Variants in UBE2C observed in about 807,000 individuals in gnomAD.
UBE2C encodes ubiquitin-conjugating enzyme E2 C.
A neutral mutation model predicts 23.5 loss-of-function variants in UBE2C; 16 were observed. The ratio of observed to expected loss-of-function variants is 0.68; its 90% confidence interval spans 0.46 to 1.03. The LOEUF is 1.03. Among genes scored for constraint, UBE2C ranks in the 50% least tolerant of loss-of-function variants. The pLI is 0.00. For synonymous variants in UBE2C, 76 were observed against 91.6 expected, an observed-to-expected ratio of 0.83 and a Z score of 0.97; for missense variants, 192 against 227.6, an observed-to-expected ratio of 0.84 and a Z score of 1.01.
At position 45,813,186 on chromosome 20, in the gene UBE2C, G is replaced by A. The variant is rs1982090191; in HGVS notation, c.102-251G>A. ...GGAAGGGAGAAGTTGAGTCGGGCAA[G>A]GAAGAGATGCTAAAGCCTGGGGAAT... On this transcript the variant is annotated intron_variant, in intron 1 of 5. Transcript: ENST00000356455. 32 of 1,417,948 alleles carry A rather than the reference G, an allele frequency of 2.3e-5. No individual in the cohort carries two copies. In the South Asian group the frequency reaches 5.1e-4, roughly 22 times the overall value. The allele number at this position is 1,417,948 out of a possible 1,614,324, so 87.8% of individuals were successfully genotyped here.
intron 3 of UBE2C, 66 bp downstream of exon 3, chr20:45,814,536 G>A (rs1374522770): frequency 1.5e-6 from 2 of 1,341,178 alleles, no homozygotes; most frequent in Non-Finnish European, 1.0e-6. Context: ...CCAAGTGCGA[G>A]CTCTGCTTCA....
In UBE2C at chr20:45,812,670, C is replaced by T. The variant is rs1217067539; in HGVS notation, c.-26C>T. On this transcript the variant is annotated 5_prime_UTR_variant, in exon 1 of 6. Transcript: ENST00000356455. The stretch of plus-strand genomic sequence containing the variant: ...CAGTTGCAGTCGTGTTCTCCGAGTT[C>T]CTGTCTCTCTGCCAACGCCGCCCGG... The T allele has an allele frequency of 6.4e-7, 1 of 1,550,578 alleles. No homozygotes were observed. Among genetic ancestry groups the T allele is most frequent in the Non-Finnish European group, 8.7e-7 (1 of 1,146,704 alleles).
chr20:45,815,949 C>A, intron 5 of UBE2C, 36 bp downstream of exon 5: 2 of 1,607,720 alleles, frequency 1.2e-6, no homozygotes, highest in Non-Finnish European at 1.7e-6. Flanking sequence ...GGTGATCCCT[C>A]CCCCAACCTT....
chr20:45,814,960 T>TC (rs67788513), intron 3 of UBE2C, among the ~76,000 whole-genome samples: 130,840 of 150,550 alleles, frequency 0.87, 57,001 homozygotes, highest in African/African-American at 0.92. Context: ...TGCCTCAGCC[T>TC]CCGAGTAGCT....
At chr20:45,814,286 ATATATATATATAT>A in intron 2 of UBE2C, 85 bp from the exon 3 acceptor site, 3 of 368,044 alleles carry the variant, frequency 8.2e-6, no homozygotes, top group South Asian at 4.6e-5. Context: ...ATATATATAT[ATATATATATATAT>A]AAAATTAAGG....
At chr20:45,814,361 C>T in intron 2 of UBE2C, 23 bp from the exon 3 acceptor site, 1 of 1,581,004 alleles carries the variant, frequency 6.3e-7, no homozygotes, top group Non-Finnish European at 8.6e-7. Context: ...CTCCACATTC[C>T]AACAAATGTG....
In UBE2C at chr20:45,812,720, GC is replaced by G. The variant is rs1232373544; in HGVS notation, c.27del (p.Ala10ProfsTer30). 20 of 1,552,210 alleles carry G rather than the reference GC, an allele frequency of 1.3e-5. No homozygotes were observed. The highest frequency in any genetic ancestry group is 2.4e-5 in the South Asian group (2 of 84,190). On this transcript the variant is annotated frameshift_variant, in exon 1 of 6. Transcript: ENST00000356455. LOFTEE classifies it high-confidence loss of function. ...GATGGCTTCCCAAAACCGCGACCCA[GC>G]CGCCACTAGCGTCGCCGCCGCCCGT... The part of the protein sequence containing the change: MASQNRDP[A>X]ATSVAAARKG...
At chr20:45,815,822 C>G in intron 4 of UBE2C, 32 bp from the exon 5 acceptor site, 1 of 1,613,810 alleles carries the variant, frequency 6.2e-7, no homozygotes, top group Non-Finnish European at 8.5e-7. Context: ...CCTCTTCTAC[C>G]GCCTTGACCT....
rs1340797059 is a variant in UBE2C at position 45,812,654 on chromosome 20, T to C, written c.-42T>C. 6.5e-7 allele frequency: 1 copy of C among 1,548,474 alleles called. No homozygotes were observed. The highest frequency in any genetic ancestry group is 8.7e-7 in the Non-Finnish European group (1 of 1,144,968). Reference sequence around the variant, plus strand: ...CGGGCCCGCAGTCCTGCAGTTGCAGTCGTGTTCTCCGAGTTCCTGTCTCTC... The same window carrying C: ...CGGGCCCGCAGTCCTGCAGTTGCAGCCGTGTTCTCCGAGTTCCTGTCTCTC... On this transcript the variant is annotated 5_prime_UTR_variant, in exon 1 of 6. Transcript: ENST00000356455.
Position 45,812,667 on chromosome 20 carries a change from G to C in UBE2C, c.-29G>C. ...CTGCAGTTGCAGTCGTGTTCTCCGA[G>C]TTCCTGTCTCTCTGCCAACGCCGCC... On this transcript the variant is annotated 5_prime_UTR_variant, in exon 1 of 6. Transcript: ENST00000356455. 2 of 1,550,464 alleles carry C rather than the reference G, an allele frequency of 1.3e-6. No individual in the cohort carries two copies. Among genetic ancestry groups the C allele is most frequent in the Non-Finnish European group, 1.7e-6 (2 of 1,146,600 alleles).
intron 3 of UBE2C, 83 bp downstream of exon 3, chr20:45,814,553 T>A (rs1982304411): frequency 1.8e-6 from 2 of 1,131,182 alleles, no homozygotes; most frequent in Admixed American, 3.8e-5. Context: ...TTCAAGCCTT[T>A]GGCGGAGCAA....
At chr20:45,816,436 G>A (rs1982562896) in intron 5 of UBE2C, among the ~76,000 whole-genome samples, 1 of 152,190 alleles carries the variant, frequency 6.6e-6, no homozygotes, top group South Asian at 2.1e-4. Context: ...AGGAGTTTGA[G>A]ACCAGCCTGG....
rs759551578 is a variant in UBE2C at position 45,815,580 on chromosome 20, C to A, written c.256C>A (p.Pro86Thr). The change falls in exon 4 of 6, where the codon CCC (proline) becomes ACC (threonine). Residue 86 changes from proline to threonine, a missense_variant. Physicochemically the swap from Pro to Thr is conservative, Grantham distance 38. Coordinates refer to ENST00000356455, the MANE Select transcript of UBE2C (RefSeq NM_007019.4). ...GAGGTATAAGCTCTCGCTAGAGTTC[C>A]CCAGTGGCTACCCTTACAATGCGCC... is the stretch of plus-strand genomic sequence containing the variant. ...DLRYKLSLEFPSGYPYNAPTV... is the reference protein window; with the variant it reads ...DLRYKLSLEFTSGYPYNAPTV... The A allele has an allele frequency of 4.3e-6, 7 of 1,613,948 alleles. No individual in the cohort carries two copies. The highest frequency in any genetic ancestry group is 5.9e-6 in the Non-Finnish European group (7 of 1,180,030).
chr20:45,814,973 G>A (rs567062984), intron 3 of UBE2C, among the ~76,000 whole-genome samples: 2 of 151,680 alleles, frequency 1.3e-5, no homozygotes, highest in East Asian at 1.9e-4. Context: ...GAGTAGCTGG[G>A]ACTACAGGCG....
Position 45,816,873 on chromosome 20 carries a change from T to G in UBE2C, c.*106T>G. On this transcript the variant is annotated 3_prime_UTR_variant, in exon 6 of 6. Transcript: ENST00000356455. ...GACTCTTTATCTTGAGCTGTGGTAT[T>G]TTTGTTTTGTTTTTGTCTTTTAAAT... 1.0e-6 allele frequency: 1 copy of G among 972,070 alleles called. No homozygotes were observed. The highest frequency in any genetic ancestry group is 2.8e-5 in the East Asian group (1 of 36,286). 60.2% of individuals were successfully genotyped at this position (972,070 alleles called of 1,614,324 possible).
At chr20:45,815,330 G>A in intron 3 of UBE2C, 1 of 1,526,776 alleles carries the variant, frequency 6.5e-7, no homozygotes, top group Non-Finnish European at 8.8e-7. Context: ...ACTGGCCTGG[G>A]CAACATGGTG....
At chr20:45,814,573 C>T (rs1047248116) in intron 3 of UBE2C, 103 bp downstream of exon 3, 8 of 821,100 alleles carry the variant, frequency 9.7e-6, no homozygotes, top group Non-Finnish European at 1.5e-5. Flanking sequence ...AGACACTCCT[C>T]CTGTGACTGT....
intron 3 of UBE2C, chr20:45,815,340 G>A (rs747412622): frequency 5.2e-6 from 8 of 1,543,066 alleles, no homozygotes; most frequent in Non-Finnish European, 7.0e-6. Flanking sequence ...GCAACATGGT[G>A]AAACCCTGTC....
rs1033161095 is a variant in UBE2C at position 45,815,688 on chromosome 20, T to C, written c.364T>C (p.Trp122Arg). The C allele has an allele frequency of 6.2e-7, 1 of 1,614,118 alleles. No homozygotes were observed. Among genetic ancestry groups the C allele is most frequent in the Non-Finnish European group, 8.5e-7 (1 of 1,180,018 alleles). Residue 122 changes from tryptophan (W) to arginine (R), a missense_variant, in exon 4 of 6, where the codon TGG becomes CGG. Physicochemically the swap from Trp to Arg is moderately radical, Grantham distance 101. Transcript: ENST00000356455. Reference protein sequence around the residue: ...NICLDILKEKWSALYDVRTIL... With the variant: ...NICLDILKEKRSALYDVRTIL... ...ATGCCTGGACATCCTGAAGGAAAAGTGGTCTGCCCTGTATGATGTCAGGAC... is the reference window on the plus strand; with the variant it reads ...ATGCCTGGACATCCTGAAGGAAAAGCGGTCTGCCCTGTATGATGTCAGGAC...
Sources: gnomAD v4.1 joint callset for allele counts (sites outside exome capture counted in the v4.1 genomes callset) on GRCh38, gnomAD v4.1.1 for gene constraint, MANE v1.5 for transcripts, NCBI Gene and HGNC (gene_info 2026-07-23, HGNC 2026-07-21) for gene names.